The following DOCK2 variants were observed in gnomAD, a reference collection of about 807,000 sequenced individuals.
DOCK2 encodes the protein dedicator of cytokinesis protein 2.
In DOCK2, 87 loss-of-function variants were observed where a neutral mutation model predicts 248.9. The observed-to-expected ratio is 0.35, with a 90% CI of 0.29 to 0.42. The LOEUF is 0.42. DOCK2 is among the 10% of genes least tolerant of loss of function. The pLI, the probability that DOCK2 is intolerant of heterozygous loss-of-function variation, is 1.00. For synonymous variants in DOCK2, 805 were observed against 821.6 expected (o/e 0.98, Z 0.35); for missense variants, 1,747 against 2,300.2 (o/e 0.76, Z 4.92).
intron 27 of DOCK2, among the ~76,000 whole-genome samples, chr5:169,930,811 C>A (rs889122282): frequency 6.6e-6 from 1 of 152,152 alleles, no homozygotes; most frequent in Non-Finnish European, 1.5e-5. Context: ...CTCTTGGTTT[C>A]TTTTCTTATG....
At chr5:169,987,140 G>T (rs1001707752) in intron 29 of DOCK2, among the ~76,000 whole-genome samples, 1 of 152,178 alleles carries the variant, frequency 6.6e-6, no homozygotes, top group African/African-American at 2.4e-5. Flanking sequence ...TGATTCTCAG[G>T]CAGATGCTCT....
rs987955804 is a variant in DOCK2, at chr5:170,050,809, A to G, written c.4213+412A>G. Among the ~76,000 whole-genome samples the G allele has an allele frequency of 2.0e-5, 3 of 152,184 alleles. No homozygotes were observed. In the South Asian group the frequency reaches 6.2e-4, roughly 31 times the overall value. Reference sequence around the variant, plus strand: ...AGATCCAAAGAACCTATCTCAATACATTGTAAATGTTGCATGCATTGATTA... The same window carrying G: ...AGATCCAAAGAACCTATCTCAATACGTTGTAAATGTTGCATGCATTGATTA... On this transcript the variant is annotated intron_variant, in intron 41 of 51. Transcript: ENST00000520908.
intron 27 of DOCK2, among the ~76,000 whole-genome samples, chr5:169,899,923 A>T (rs997523109): frequency 2.0e-5 from 3 of 152,198 alleles, no homozygotes; most frequent in African/African-American, 7.2e-5. Flanking sequence ...GTATTACTTG[A>T]TACTGATTTT....
chr5:169,678,629 T>A (rs1759476974), intron 6 of DOCK2, among the ~76,000 whole-genome samples: 1 of 152,170 alleles, frequency 6.6e-6, no homozygotes, highest in African/African-American at 2.4e-5. Context: ...TATTTGGCCA[T>A]CCTGGTGGTC....
chr5:169,892,731 A>G (rs952988866), intron 27 of DOCK2, among the ~76,000 whole-genome samples: 1 of 152,176 alleles, frequency 6.6e-6, no homozygotes, highest in Non-Finnish European at 1.5e-5. Context: ...TTTCAAAAAC[A>G]TAATAAAATG....
chr5:169,859,224 G>A (rs1771045853), intron 27 of DOCK2, among the ~76,000 whole-genome samples: 1 of 152,110 alleles, frequency 6.6e-6, no homozygotes, highest in South Asian at 2.1e-4. Flanking sequence ...TGCTCTTTAT[G>A]GGCTGAGAGT....
intron 22 of DOCK2, among the ~76,000 whole-genome samples, chr5:169,724,751 C>CTTTTTTTTTTTTTTTTT: frequency 6.9e-6 from 1 of 145,154 alleles, no homozygotes; most frequent in African/African-American, 2.5e-5. Flanking sequence ...TTTCTTTTGT[C>CTTTTTTTTTTTTTTTTT]TTTTTTTTTT....
At chr5:169,660,255 G>A (rs1034226849) in intron 2 of DOCK2, among the ~76,000 whole-genome samples, 42 of 152,110 alleles carry the variant, frequency 2.8e-4, no homozygotes, top group Non-Finnish European at 3.7e-4. Context: ...AATTGCTTGA[G>A]CCCAGGAGTT....
At chr5:169,932,414 A>G (rs1282054530) in intron 27 of DOCK2, among the ~76,000 whole-genome samples, 3 of 152,038 alleles carry the variant, frequency 2.0e-5, no homozygotes, top group African/African-American at 7.2e-5. Flanking sequence ...GTAGGGAGAG[A>G]ATGGGGAAGG....
intron 27 of DOCK2, among the ~76,000 whole-genome samples, chr5:169,897,376 A>T (rs1289254190): frequency 6.6e-6 from 1 of 152,068 alleles, no homozygotes; most frequent in African/African-American, 2.4e-5. Context: ...TTTTAAGTAG[A>T]GACAGGATTT....
Position 169,861,011 on chromosome 5 carries a change from T to A in DOCK2, c.2799+20159T>A, listed in dbSNP as rs374215031. Among the ~76,000 whole-genome samples the A allele has an allele frequency of 3.9e-3, 590 of 152,318 alleles. 38 individuals are homozygous for A. In the South Asian group the frequency reaches 0.12, roughly 30 times the overall value. On this transcript the variant is annotated intron_variant, in intron 27 of 51. Coordinates refer to ENST00000520908, the MANE Select transcript of DOCK2 (RefSeq NM_004946.3). Reference sequence around the variant, plus strand: ...AAATAAAGAAAAGTACTGGATAAATTAGAGTTCAGGTGTCTGAGTATAATG... The same window carrying A: ...AAATAAAGAAAAGTACTGGATAAATAAGAGTTCAGGTGTCTGAGTATAATG...
intron 22 of DOCK2, among the ~76,000 whole-genome samples, chr5:169,727,391 A>G (rs1762540599): frequency 6.6e-6 from 1 of 152,214 alleles, no homozygotes; most frequent in South Asian, 2.1e-4. Flanking sequence ...ACTCAAGCTG[A>G]GGTTCTTGCT....
At chr5:169,909,447 T>C (rs1774471578) in intron 27 of DOCK2, among the ~76,000 whole-genome samples, 1 of 152,354 alleles carries the variant, frequency 6.6e-6, no homozygotes, top group Non-Finnish European at 1.5e-5. Flanking sequence ...AAGTTTTTTC[T>C]TTTTGAAGAA....
rs374010930 is a variant in DOCK2 at position 169,648,963 on chromosome 5, TG to T, written c.44-5439del. 3.8e-4 allele frequency among the ~76,000 whole-genome samples: 58 copies of T among 152,360 alleles called. 1 individual carries two copies. The South Asian group carries it at 0.011, about 29-fold the overall frequency. ...CTCTGGGGTGGCTGCCAGAGGCTTCTGCTGGGTCATCGCAGTCACCCTCGTG... is the reference window on the plus strand; with the variant it reads ...CTCTGGGGTGGCTGCCAGAGGCTTCTCTGGGTCATCGCAGTCACCCTCGTG... On this transcript the variant is annotated intron_variant, in intron 1 of 51. Coordinates refer to ENST00000520908, the MANE Select transcript of DOCK2 (RefSeq NM_004946.3).
At chr5:169,657,957 G>A (rs1407950116) in intron 2 of DOCK2, among the ~76,000 whole-genome samples, 1 of 152,150 alleles carries the variant, frequency 6.6e-6, no homozygotes, top group Non-Finnish European at 1.5e-5. Context: ...TGAGACTTGG[G>A]AGGAGAATGG....
chr5:169,976,170 A>T (rs1228745027), intron 27 of DOCK2, among the ~76,000 whole-genome samples: 2 of 152,096 alleles, frequency 1.3e-5, no homozygotes, highest in Non-Finnish European at 2.9e-5. Flanking sequence ...TGCAAGTTCA[A>T]CTCTACCTTC....
intron 27 of DOCK2, among the ~76,000 whole-genome samples, chr5:169,945,706 G>A (rs765992313): frequency 1.5e-4 from 23 of 152,208 alleles, no homozygotes; most frequent in East Asian, 7.7e-4. Flanking sequence ...TGCTCCTCCC[G>A]CTTAAAAATC....
In DOCK2 at chr5:170,082,939, C is replaced by A. The variant is rs931248280; in HGVS notation, c.*81C>A. ...GAAAGCCATGCGTGGAACATCGAAG[C>A]CTCAGAGAGTGGGAGACTGTCCCCA... On this transcript the variant is annotated 3_prime_UTR_variant, in exon 52 of 52. Transcript: ENST00000520908. 4.1e-5 allele frequency: 65 copies of A among 1,575,982 alleles called. No homozygotes were observed. The Admixed American group carries it at 1.0e-3, about 25-fold the overall frequency.
At chr5:169,732,664 C>A (rs1432293921) in intron 22 of DOCK2, among the ~76,000 whole-genome samples, 2 of 152,144 alleles carry the variant, frequency 1.3e-5, no homozygotes, top group Admixed American at 1.3e-4. Flanking sequence ...AGTCTCAAAC[C>A]TTTCTCCCTG....
Sources: gnomAD v4.1 joint callset for allele counts (sites outside exome capture counted in the v4.1 genomes callset) on GRCh38, gnomAD v4.1.1 for gene constraint, MANE v1.5 for transcripts, NCBI Gene and HGNC (gene_info 2026-07-23, HGNC 2026-07-21) for gene names.